The following BAZ2B variants were observed in gnomAD, a reference collection of about 807,000 sequenced individuals.
BAZ2B encodes the protein bromodomain adjacent to zinc finger domain protein 2B.
BAZ2B carries 91 observed loss-of-function variants against 246.0 expected under a neutral mutation model. That is an observed-to-expected ratio of 0.37 (90% confidence interval 0.31 to 0.44). BAZ2B has a LOEUF of 0.44. Among genes scored for constraint, BAZ2B ranks in the 20% least tolerant of loss-of-function variants. The pLI is 1.00. For missense variants in BAZ2B, 2,332 were observed against 2,533.7 expected, an observed-to-expected ratio of 0.92 and a Z score of 1.71; for synonymous variants, 855 against 860.0, an observed-to-expected ratio of 0.99 and a Z score of 0.10.
At chr2:159,495,439 C>T (rs868370166) in intron 2 of BAZ2B, among the ~76,000 whole-genome samples, 26 of 124,098 alleles carry the variant, frequency 2.1e-4, no homozygotes, top group Admixed American at 7.7e-4. Context: ...GAGCCGAGAT[C>T]GCGCCTCTGC....
the BAZ2B span, among the ~76,000 whole-genome samples, chr2:159,633,738 C>CTTTT: frequency 8.3e-6 from 1 of 120,282 alleles, no homozygotes; most frequent in Non-Finnish European, 1.7e-5. Flanking sequence ...TCACTTTATT[C>CTTTT]TTTTTTTTTT....
chr2:159,688,592 T>C, the BAZ2B span, among the ~76,000 whole-genome samples: 1 of 152,228 alleles, frequency 6.6e-6, no homozygotes, highest in Non-Finnish European at 1.5e-5. Flanking sequence ...TAATGTACTT[T>C]ATAACAAAAA....
intron 14 of BAZ2B, among the ~76,000 whole-genome samples, chr2:159,407,469 C>G (rs1177515546): frequency 6.6e-6 from 1 of 152,040 alleles, no homozygotes; most frequent in Non-Finnish European, 1.5e-5. Context: ...AAAAAACCCC[C>G]AAAGAAACCC....
the BAZ2B span, among the ~76,000 whole-genome samples, chr2:159,675,081 C>T: frequency 2.0e-5 from 3 of 152,096 alleles, no homozygotes; most frequent in Non-Finnish European, 4.4e-5. Context: ...GAGGACAAGA[C>T]AGAATCCTCT....
rs192547467 is a variant in BAZ2B, at chr2:159,609,357, T to C, written c.-46+6885A>G. 2.7e-3 allele frequency among the ~76,000 whole-genome samples: 405 copies of C among 152,310 alleles called. 2 individuals are homozygous for C. Among genetic ancestry groups the C allele is most frequent in the African/African-American group, 9.2e-3 (382 of 41,566 alleles). On this transcript the variant is annotated intron_variant, in intron 1 of 36. Transcript: ENST00000392783. ...TTATTCTAATCCAGTTATAAAGTCATGCCAATTTTCCCTTCTATCTTGCTT... is the reference window on the plus strand; with the variant it reads ...TTATTCTAATCCAGTTATAAAGTCACGCCAATTTTCCCTTCTATCTTGCTT...
intron 3 of BAZ2B, chr2:159,462,605 G>A: frequency 1.1e-6 from 1 of 885,332 alleles, no homozygotes; most frequent in East Asian, 2.4e-5. Flanking sequence ...ATTCGAAACA[G>A]TTAGCGAATC....
At chr2:159,332,840 G>C (rs762788790) in intron 33 of BAZ2B, 154 bp from the exon 34 acceptor site, 1 of 846,596 alleles carries the variant, frequency 1.2e-6, no homozygotes, top group Non-Finnish European at 1.8e-6. Context: ...TGTATCTTTC[G>C]TTACACAGAT....
At chr2:159,347,459 A>G (rs774821553) in intron 31 of BAZ2B, 27 bp downstream of exon 31, 6 of 1,601,226 alleles carry the variant, frequency 3.7e-6, no homozygotes, top group East Asian at 4.5e-5. Flanking sequence ...TATCCTAAAA[A>G]CATATTTTAT....
intron 3 of BAZ2B, among the ~76,000 whole-genome samples, chr2:159,454,034 G>C (rs576432011): frequency 1.3e-5 from 2 of 152,158 alleles, no homozygotes; most frequent in East Asian, 3.9e-4. Flanking sequence ...TTTGAGATTT[G>C]AGAACCAATG....
At chr2:159,571,136 G>A (rs13016742) in intron 1 of BAZ2B, among the ~76,000 whole-genome samples, 5 of 152,174 alleles carry the variant, frequency 3.3e-5, no homozygotes, top group Admixed American at 1.3e-4. Context: ...TTATAGGCAC[G>A]AGCCACCACG....
At chr2:159,661,130 A>G in the BAZ2B span, among the ~76,000 whole-genome samples, 95 of 152,130 alleles carry the variant, frequency 6.2e-4, 1 homozygote, top group Middle Eastern at 6.8e-3. Context: ...CTAACAATCT[A>G]TTTCTTGCCA....
intron 1 of BAZ2B, among the ~76,000 whole-genome samples, chr2:159,595,038 T>G (rs1690326834): frequency 6.6e-6 from 1 of 152,206 alleles, no homozygotes; most frequent in African/African-American, 2.4e-5. Context: ...ATTAAATAAT[T>G]ATTCAATGCG....
chr2:159,514,255 GAAC>G (rs1372664121), intron 2 of BAZ2B, among the ~76,000 whole-genome samples: 1 of 152,052 alleles, frequency 6.6e-6, no homozygotes, highest in Non-Finnish European at 1.5e-5. Flanking sequence ...CATGTACCTA[GAAC>G]ACCACACAAA....
chr2:159,574,004 G>C (rs879294927), intron 1 of BAZ2B, among the ~76,000 whole-genome samples: 24 of 152,180 alleles, frequency 1.6e-4, no homozygotes, highest in Admixed American at 1.2e-3. Context: ...GGGTGGCTGA[G>C]GGGGAGGATC....
chr2:159,555,072 GT>G (rs1559762605), intron 2 of BAZ2B, among the ~76,000 whole-genome samples: 1,821 of 25,808 alleles, frequency 0.071, 38 homozygotes, highest in African/African-American at 0.36. Flanking sequence ...TGTGGGGGGT[GT>G]GTGTGTGTGT....
At chr2:159,476,212 G>A (rs2078527060) in intron 3 of BAZ2B, among the ~76,000 whole-genome samples, 2 of 152,068 alleles carry the variant, frequency 1.3e-5, no homozygotes, top group Non-Finnish European at 2.9e-5. Flanking sequence ...GACTGGGGCT[G>A]CTGTAAAAGG....
chr2:159,409,887 T>C (rs985475313), intron 14 of BAZ2B, among the ~76,000 whole-genome samples: 2 of 152,204 alleles, frequency 1.3e-5, no homozygotes, highest in African/African-American at 2.4e-5. Flanking sequence ...TCCAATGTAT[T>C]ATAACAAGGG....
At chr2:159,467,870 T>C (rs1016694898) in intron 3 of BAZ2B, among the ~76,000 whole-genome samples, 7 of 152,202 alleles carry the variant, frequency 4.6e-5, no homozygotes, top group Non-Finnish European at 7.3e-5. Context: ...CTTTCTGGTC[T>C]GCTGCCTAAA....
In BAZ2B at chr2:159,323,327, C is replaced by T. The variant is rs538633612; in HGVS notation, c.6353+1484G>A. On this transcript the variant is annotated intron_variant, in intron 36 of 36. Transcript: ENST00000392783. ...TTTTTTTGTTATAAATATTTCTAAGCCTATTTGTTTTAGGAATTTTGAGGT... is the reference window on the plus strand; with the variant it reads ...TTTTTTTGTTATAAATATTTCTAAGTCTATTTGTTTTAGGAATTTTGAGGT... Among the ~76,000 whole-genome samples, 14 of 152,018 alleles carry T rather than the reference C, an allele frequency of 9.2e-5. No homozygotes were observed. The East Asian group carries it at 2.5e-3, about 27-fold the overall frequency.
Sources: allele counts gnomAD v4.1 joint callset (sites outside exome capture counted in the v4.1 genomes callset), GRCh38; gene constraint gnomAD v4.1.1; transcripts MANE v1.5; gene names NCBI Gene and HGNC (gene_info 2026-07-23, HGNC 2026-07-21).